Variants in EYS observed in about 807,000 individuals in gnomAD.
EYS encodes EGF-like photoreceptor maintenance factor.
Under a neutral mutation model 282.1 loss-of-function variants are expected in EYS, and 250 were observed. The observed-to-expected ratio is 0.89, with a 90% CI of 0.80 to 0.98. The LOEUF is 0.98. Among genes scored for constraint, EYS ranks in the 50% least tolerant of loss-of-function variants. EYS has a pLI of 0.00. For synonymous variants in EYS, 1,355 were observed against 1,282.9 expected (o/e 1.06, Z -1.20); for missense variants, 4,016 against 3,709.0 (o/e 1.08, Z -2.15).
chr6:65,093,038 A>G (rs1429276219), intron 12 of EYS, among the ~76,000 whole-genome samples: 2 of 152,100 alleles, frequency 1.3e-5, no homozygotes, highest in Non-Finnish European at 2.9e-5. Flanking sequence ...GATAATTTTA[A>G]AATTAATAAG....
intron 35 of EYS, among the ~76,000 whole-genome samples, chr6:63,950,027 G>T (rs897625661): frequency 6.6e-6 from 1 of 152,018 alleles, no homozygotes; most frequent in African/African-American, 2.4e-5. Context: ...CAAAAAATTA[G>T]CCGGGCGTGG....
intron 22 of EYS, among the ~76,000 whole-genome samples, chr6:64,749,035 A>C (rs1382185832): frequency 6.6e-6 from 1 of 152,236 alleles, no homozygotes; most frequent in African/African-American, 2.4e-5. Context: ...GGCCTCCCAA[A>C]GTGCTGGGAT....
intron 31 of EYS, among the ~76,000 whole-genome samples, chr6:64,136,613 C>A (rs1582323266): frequency 6.6e-6 from 1 of 152,184 alleles, no homozygotes; most frequent in South Asian, 2.1e-4. Context: ...AAAAATTAAT[C>A]AACTTGTAAA....
chr6:64,697,068 T>A (rs1461744297), intron 22 of EYS, among the ~76,000 whole-genome samples: 1 of 152,102 alleles, frequency 6.6e-6, no homozygotes, highest in Non-Finnish European at 1.5e-5. Flanking sequence ...AGAACTAACC[T>A]TGAATATAAC....
intron 31 of EYS, among the ~76,000 whole-genome samples, chr6:64,092,264 C>T (rs1187724169): frequency 6.6e-6 from 1 of 152,132 alleles, no homozygotes; most frequent in African/African-American, 2.4e-5. Flanking sequence ...TGGGTATATA[C>T]CCAGTAATGG....
At chr6:64,703,410 C>CACACACACATAT (rs1447947508) in intron 22 of EYS, among the ~76,000 whole-genome samples, 20 of 51,496 alleles carry the variant, frequency 3.9e-4, no homozygotes, top group African/African-American at 1.5e-3. Context: ...CACACACACA[C>CACACACACATAT]ATATATATAT....
At chr6:63,960,083 C>T (rs983603728) in intron 35 of EYS, among the ~76,000 whole-genome samples, 3 of 151,624 alleles carry the variant, frequency 2.0e-5, no homozygotes, top group African/African-American at 7.3e-5. Flanking sequence ...GGTAGTGATT[C>T]CTTTGATGGA....
intron 26 of EYS, among the ~76,000 whole-genome samples, chr6:64,565,511 C>T (rs1046817777): frequency 6.6e-6 from 1 of 151,930 alleles, no homozygotes; most frequent in Non-Finnish European, 1.5e-5. Context: ...GAATAATAGA[C>T]ACAGACAAAA....
intron 31 of EYS, among the ~76,000 whole-genome samples, chr6:64,091,658 G>A (rs1772365928): frequency 1.3e-5 from 2 of 152,198 alleles, no homozygotes; most frequent in Non-Finnish European, 1.5e-5. Flanking sequence ...AACATGACTC[G>A]TGCTGTTTAA....
At chr6:64,147,174 C>CT (rs923698324) in intron 31 of EYS, among the ~76,000 whole-genome samples, 5 of 151,830 alleles carry the variant, frequency 3.3e-5, no homozygotes, top group South Asian at 2.1e-4. Context: ...CTTTGCTATT[C>CT]TTTTTTTTAG....
intron 31 of EYS, among the ~76,000 whole-genome samples, chr6:64,211,943 C>T (rs1455336830): frequency 6.6e-6 from 1 of 151,502 alleles, no homozygotes; most frequent in Non-Finnish European, 1.5e-5. Context: ...TGGTAAAAAC[C>T]CATCTCTACT....
At chr6:65,375,969 G>A (rs1765348712) in intron 8 of EYS, among the ~76,000 whole-genome samples, 1 of 152,094 alleles carries the variant, frequency 6.6e-6, no homozygotes, top group Admixed American at 6.6e-5. Flanking sequence ...TATTATCCAG[G>A]AGAACTTCCC....
chr6:65,216,498 AAAT>A (rs1441043316), intron 12 of EYS, among the ~76,000 whole-genome samples: 3 of 151,960 alleles, frequency 2.0e-5, no homozygotes, highest in African/African-American at 7.2e-5. Context: ...AGGTAAAAGT[AAAT>A]AATATTTTTG....
chr6:65,505,004 C>A (rs1012394570), intron 2 of EYS, among the ~76,000 whole-genome samples: 1 of 151,784 alleles, frequency 6.6e-6, no homozygotes, highest in African/African-American at 2.4e-5. Context: ...CTTTCTTTCA[C>A]ATTTGATAGA....
intron 14 of EYS, among the ~76,000 whole-genome samples, chr6:64,966,540 G>A (rs903310428): frequency 2.0e-5 from 3 of 152,268 alleles, no homozygotes; most frequent in African/African-American, 4.8e-5. Flanking sequence ...TCACTCTGGG[G>A]ATAAAAGATA....
chr6:64,916,460 C>T lies in EYS; in HGVS notation c.2382-3717G>A, dbSNP rs565879451. On this transcript the variant is annotated intron_variant, in intron 15 of 42. Coordinates refer to ENST00000503581, the MANE Select transcript of EYS (RefSeq NM_001142800.2). ...GGATGTTTTATAGAAAATAAAGTTC[C>T]GAGGAACAAAGTCACTACTAGTGAC... Among the ~76,000 whole-genome samples the T allele has an allele frequency of 1.4e-4, 22 of 152,176 alleles. 1 individual carries two copies. Among genetic ancestry groups the T allele is most frequent in the Non-Finnish European group, 2.1e-4 (14 of 68,000 alleles).
chr6:65,347,334 C>A (rs1293920099), intron 9 of EYS, among the ~76,000 whole-genome samples: 1 of 151,650 alleles, frequency 6.6e-6, no homozygotes, highest in African/African-American at 2.4e-5. Context: ...TACTGACTTA[C>A]CTTTCAGCTT....
chr6:65,217,308 A>T (rs1426981841), intron 12 of EYS, among the ~76,000 whole-genome samples: 2 of 152,098 alleles, frequency 1.3e-5, no homozygotes, highest in Non-Finnish European at 2.9e-5. Context: ...CAATTATCCA[A>T]ATCTAATGTC....
intron 12 of EYS, among the ~76,000 whole-genome samples, chr6:65,113,702 T>C (rs1775285897): frequency 7.1e-6 from 1 of 141,790 alleles, no homozygotes; most frequent in Non-Finnish European, 1.5e-5. Flanking sequence ...GTGGCATCTT[T>C]TAGCTGTGTA....
Sources: gnomAD v4.1 joint callset for allele counts (sites outside exome capture counted in the v4.1 genomes callset) on GRCh38, gnomAD v4.1.1 for gene constraint, MANE v1.5 for transcripts, NCBI Gene and HGNC (gene_info 2026-07-23, HGNC 2026-07-21) for gene names.